Variants in SH3D19 observed in about 807,000 individuals in gnomAD.
SH3D19 encodes the protein SH3 domain containing 19.
Under a neutral mutation model 112.1 loss-of-function variants are expected in SH3D19, and 58 were observed. That is an observed-to-expected ratio of 0.52 (90% confidence interval 0.42 to 0.64). SH3D19 has a LOEUF of 0.64. Among genes scored for constraint, SH3D19 ranks in the 30% least tolerant of loss-of-function variants. SH3D19 has a pLI of 0.00. For synonymous variants in SH3D19, 391 were observed against 448.5 expected (o/e 0.87, Z 1.62); for missense variants, 1,090 against 1,263.4 (o/e 0.86, Z 2.08).
chr4:151,291,018 G>A, intron 1 of SH3D19: 4 of 828,922 alleles, frequency 4.8e-6, no homozygotes, highest in Admixed American at 2.7e-5. Context: ...CAGCTCCATG[G>A]GTCTCATGGC....
chr4:151,123,872 GA>G (rs919698961), intron 19 of SH3D19, among the ~76,000 whole-genome samples: 56 of 149,148 alleles, frequency 3.8e-4, no homozygotes, highest in African/African-American at 1.3e-3. Flanking sequence ...TTACCCTCTG[GA>G]AAAAAAAATG....
chr4:151,214,254 T>A (rs1270996234), intron 2 of SH3D19, among the ~76,000 whole-genome samples: 1 of 151,654 alleles, frequency 6.6e-6, no homozygotes, highest in African/African-American at 2.4e-5. Flanking sequence ...ATGAAAAGTC[T>A]CCCATGTCTA....
intron 2 of SH3D19, among the ~76,000 whole-genome samples, chr4:151,200,435 TTAAAG>T (rs1306760426): frequency 1.3e-5 from 2 of 152,196 alleles, no homozygotes; most frequent in Admixed American, 6.6e-5. Context: ...AAACTTACAA[TTAAAG>T]TAAAGCTAAT....
intron 7 of SH3D19, among the ~76,000 whole-genome samples, chr4:151,174,268 C>A (rs1759550146): frequency 6.6e-6 from 1 of 152,188 alleles, no homozygotes; most frequent in Non-Finnish European, 1.5e-5. Flanking sequence ...CATCCTTCTA[C>A]ATGTTCCATA....
rs562368687 is a variant in SH3D19, at chr4:151,199,818, T to C, written c.153-12355A>G. ...CGAAATAGTATAATCCCAATGTTAT[T>C]TGTAAAATCTTACTTTAAAAAATAT... is the stretch of plus-strand genomic sequence containing the variant. On this transcript the variant is annotated intron_variant, in intron 2 of 19. Coordinates refer to ENST00000604030, the MANE Select transcript of SH3D19 (RefSeq NM_001378122.1). Among the ~76,000 whole-genome samples, 42 of 152,354 alleles carry C rather than the reference T, an allele frequency of 2.8e-4. 1 individual carries two copies. Among genetic ancestry groups the C allele is most frequent in the African/African-American group, 9.4e-4 (39 of 41,586 alleles).
chr4:151,240,425 A>C (rs1051850539), intron 1 of SH3D19, among the ~76,000 whole-genome samples: 6 of 151,666 alleles, frequency 4.0e-5, no homozygotes, highest in Admixed American at 1.3e-4. Context: ...AAAAAAAAAA[A>C]GTCAAGGGAA....
chr4:151,204,623 T>C (rs561197125), intron 2 of SH3D19, among the ~76,000 whole-genome samples: 92 of 152,348 alleles, frequency 6.0e-4, no homozygotes, highest in African/African-American at 2.1e-3. Context: ...ATGTCAAATA[T>C]GGATTCATCA....
intron 2 of SH3D19, among the ~76,000 whole-genome samples, chr4:151,213,676 A>AT (rs1314741683): frequency 1.1e-4 from 16 of 148,642 alleles, no homozygotes; most frequent in African/African-American, 4.0e-4. Context: ...GAATTAATTA[A>AT]TTAATTAATT....
chr4:151,144,249 A>C, intron 11 of SH3D19, 199 bp from the exon 12 acceptor site: 1 of 1,614,066 alleles, frequency 6.2e-7, no homozygotes, highest in Non-Finnish European at 8.5e-7. Flanking sequence ...GGGTTTTGAG[A>C]GACAATATCT....
chr4:151,150,250 T>C (rs7690995), intron 9 of SH3D19, among the ~76,000 whole-genome samples: 97,969 of 106,920 alleles, frequency 0.92, 45,066 homozygotes, highest in Non-Finnish European at 0.94. Flanking sequence ...TATATATATA[T>C]ACACACATAT....
At chr4:151,152,890 T>C (rs1165967326) in intron 9 of SH3D19, among the ~76,000 whole-genome samples, 2 of 151,058 alleles carry the variant, frequency 1.3e-5, no homozygotes, top group Non-Finnish European at 2.9e-5. Context: ...AGCTAGAGTG[T>C]AGTGGCACGA....
At chr4:151,320,434 A>T (rs961718513) in intron 1 of SH3D19, among the ~76,000 whole-genome samples, 1 of 152,198 alleles carries the variant, frequency 6.6e-6, no homozygotes. Context: ...GGGACAATAA[A>T]GGAAATATAG....
intron 1 of SH3D19, among the ~76,000 whole-genome samples, chr4:151,239,778 T>C (rs1237154729): frequency 6.6e-6 from 1 of 152,226 alleles, no homozygotes; most frequent in East Asian, 1.9e-4. Flanking sequence ...GTCCATATCA[T>C]TCATTCTTTT....
intron 1 of SH3D19, among the ~76,000 whole-genome samples, chr4:151,294,703 C>A (rs1775581387): frequency 1.3e-5 from 2 of 152,200 alleles, no homozygotes; most frequent in South Asian, 4.1e-4. Flanking sequence ...GCATGGAGGA[C>A]ACTACAGTAA....
At chr4:151,128,399 T>C (rs1394329488) in intron 17 of SH3D19, 43 bp from the exon 18 acceptor site, 2 of 1,516,924 alleles carry the variant, frequency 1.3e-6, no homozygotes, top group Non-Finnish European at 8.9e-7. Flanking sequence ...TAAGATTTTA[T>C]TTGAAATTGA....
At chr4:151,291,506 G>A in intron 1 of SH3D19, 1 of 1,309,082 alleles carries the variant, frequency 7.6e-7, no homozygotes, top group Admixed American at 2.7e-5. Flanking sequence ...AATTTGAAAT[G>A]ATTTTGTTTT....
chr4:151,140,277 C>T (rs1022449507), intron 12 of SH3D19: 1 of 153,972 alleles, frequency 6.5e-6, no homozygotes, highest in African/African-American at 2.4e-5. Flanking sequence ...GAAGAAAGTT[C>T]TATGATTTAT....
chr4:151,241,721 T>C (rs1212747680), intron 1 of SH3D19, among the ~76,000 whole-genome samples: 1 of 151,808 alleles, frequency 6.6e-6, no homozygotes, highest in Non-Finnish European at 1.5e-5. Context: ...ATGGGTGAAC[T>C]CTATGGTATA....
intron 12 of SH3D19, 125 bp from the exon 13 acceptor site, chr4:151,139,972 GA>G: frequency 1.4e-6 from 1 of 691,426 alleles, no homozygotes; most frequent in Non-Finnish European, 2.5e-6. Flanking sequence ...ATGAGTACAT[GA>G]TGCAAACCAC....
Sources: allele counts gnomAD v4.1 joint callset (sites outside exome capture counted in the v4.1 genomes callset), GRCh38; gene constraint gnomAD v4.1.1; transcripts MANE v1.5; gene names NCBI Gene and HGNC (gene_info 2026-07-23, HGNC 2026-07-21).